Variants in CTNNA2 observed in about 807,000 individuals in gnomAD.
CTNNA2 encodes catenin alpha 2.
A neutral mutation model predicts 101.0 loss-of-function variants in CTNNA2; 42 were observed. The ratio of observed to expected loss-of-function variants is 0.42; its 90% confidence interval spans 0.32 to 0.54. The LOEUF (loss-of-function observed/expected upper bound fraction) is 0.54. Ranked by LOEUF, CTNNA2 falls within the 20% of genes least tolerant of loss-of-function variation. The probability of loss-of-function intolerance (pLI) is 0.14; values close to 1 mark genes in which losing one functional copy is unlikely to be tolerated. For synonymous variants in CTNNA2, 450 were observed against 456.4 expected (o/e 0.99, Z 0.18); for missense variants, 871 against 1,223.1 (o/e 0.71, Z 4.29).
At chr2:80,143,154 A>G (rs1255169106) in intron 7 of CTNNA2, among the ~76,000 whole-genome samples, 2 of 152,160 alleles carry the variant, frequency 1.3e-5, no homozygotes. Context: ...TGGATGTGAA[A>G]GTTCTCTGTG....
In CTNNA2 at chr2:79,874,163, C is replaced by G; in HGVS notation, c.673C>G (p.Gln225Glu). The G allele has an allele frequency of 1.9e-6, 3 of 1,614,216 alleles. No individual in the cohort carries two copies. Among genetic ancestry groups the G allele is most frequent in the Non-Finnish European group, 2.5e-6 (3 of 1,180,046 alleles). ...KNATMLYTASQAFLRHPDVAA... is the reference protein window; with the variant it reads ...KNATMLYTASEAFLRHPDVAA... ...TGCCACAATGCTGTACACGGCCTCT[C>G]AAGCATTTCTCCGCCACCCAGATGT... is the stretch of plus-strand genomic sequence containing the variant. Residue 225 changes from glutamine to glutamate, a missense_variant, in exon 6 of 19, where the codon CAA becomes GAA. Transcript: ENST00000402739.
At chr2:79,875,383 G>A (rs565328931) in intron 6 of CTNNA2, among the ~76,000 whole-genome samples, 1 of 152,290 alleles carries the variant, frequency 6.6e-6, no homozygotes, top group South Asian at 2.1e-4. Flanking sequence ...CTGCAGGGGA[G>A]ATGAGGGAAG....
intron 2 of CTNNA2, among the ~76,000 whole-genome samples, chr2:79,270,361 G>A (rs772765107): frequency 1.3e-5 from 2 of 151,848 alleles, no homozygotes; most frequent in South Asian, 4.1e-4. Context: ...TTTCTGATGT[G>A]CAATCTGCTT....
chr2:79,806,154 C>T (rs566355593), intron 3 of CTNNA2, among the ~76,000 whole-genome samples: 2 of 152,010 alleles, frequency 1.3e-5, no homozygotes, highest in African/African-American at 4.8e-5. Context: ...CAGTAGTTAA[C>T]TCTAATTTAT....
intron 7 of CTNNA2, among the ~76,000 whole-genome samples, chr2:80,032,876 G>C (rs372953747): frequency 1.3e-5 from 2 of 152,204 alleles, no homozygotes; most frequent in South Asian, 4.2e-4. Flanking sequence ...ATAACGACCG[G>C]GCGCAGTGGC....
At chr2:79,968,295 T>A (rs946206904) in intron 7 of CTNNA2, among the ~76,000 whole-genome samples, 4 of 152,180 alleles carry the variant, frequency 2.6e-5, no homozygotes, top group African/African-American at 9.7e-5. Context: ...TCATTTTCAG[T>A]CTCAGAACCC....
chr2:80,305,794 G>T (rs559212809), intron 7 of CTNNA2, among the ~76,000 whole-genome samples: 1 of 152,108 alleles, frequency 6.6e-6, no homozygotes, highest in Non-Finnish European at 1.5e-5. Context: ...AGTCCTCCAA[G>T]ATGGCTGAGA....
intron 1 of CTNNA2, among the ~76,000 whole-genome samples, chr2:79,637,274 C>A (rs1680139006): frequency 6.6e-6 from 1 of 152,092 alleles, no homozygotes; most frequent in African/African-American, 2.4e-5. Context: ...ATTGAGGATA[C>A]AGAAGAGAGA....
intron 3 of CTNNA2, among the ~76,000 whole-genome samples, chr2:79,844,404 A>T (rs1680048972): frequency 1.3e-5 from 2 of 152,264 alleles, no homozygotes; most frequent in Admixed American, 6.5e-5. Flanking sequence ...GGAGCATATT[A>T]TTTGAAAATT....
At chr2:79,441,233 C>G (rs1293348264) in intron 4 of CTNNA2, among the ~76,000 whole-genome samples, 2 of 152,106 alleles carry the variant, frequency 1.3e-5, no homozygotes, top group Non-Finnish European at 2.9e-5. Flanking sequence ...TGAGGCATAC[C>G]TCTCCTTTCA....
intron 4 of CTNNA2, among the ~76,000 whole-genome samples, chr2:79,488,470 T>A (rs1302142920): frequency 6.6e-5 from 10 of 152,140 alleles, no homozygotes; most frequent in African/African-American, 2.4e-4. Context: ...AAACACCTTG[T>A]TCCTGAGGAC....
intron 9 of CTNNA2, among the ~76,000 whole-genome samples, chr2:80,489,715 T>A (rs1307622617): frequency 3.9e-5 from 6 of 152,210 alleles, no homozygotes; most frequent in African/African-American, 1.4e-4. Flanking sequence ...CCACAGTTCT[T>A]CTTCTTGGTT....
chr2:80,276,733 A>C (rs1401556423), intron 7 of CTNNA2, among the ~76,000 whole-genome samples: 3 of 152,180 alleles, frequency 2.0e-5, no homozygotes, highest in Middle Eastern at 3.4e-3. Flanking sequence ...ACCAGATCTC[A>C]CAGGAACTAA....
At chr2:79,263,953 C>G (rs907131595) in intron 2 of CTNNA2, among the ~76,000 whole-genome samples, 2 of 152,140 alleles carry the variant, frequency 1.3e-5, no homozygotes, top group Non-Finnish European at 2.9e-5. Flanking sequence ...AAAATCAGAA[C>G]ATCAAAATGC....
At chr2:79,401,860 T>C (rs1678293902) in intron 4 of CTNNA2, among the ~76,000 whole-genome samples, 1 of 151,482 alleles carries the variant, frequency 6.6e-6, no homozygotes, top group South Asian at 2.1e-4. Context: ...TAAAATTAAA[T>C]TTAAAAGAAT....
At chr2:79,691,780 C>T (rs1168864021) in intron 2 of CTNNA2, among the ~76,000 whole-genome samples, 1 of 152,032 alleles carries the variant, frequency 6.6e-6, no homozygotes, top group Non-Finnish European at 1.5e-5. Context: ...GAAATGGATT[C>T]CCTATTTAAT....
chr2:79,977,577 A>G (rs1175878534), intron 7 of CTNNA2, among the ~76,000 whole-genome samples: 1 of 152,140 alleles, frequency 6.6e-6, no homozygotes, highest in Non-Finnish European at 1.5e-5. Context: ...CTGTTCTAAT[A>G]TCAAAAATGC....
intron 2 of CTNNA2, among the ~76,000 whole-genome samples, chr2:79,705,122 A>G (rs1181237400): frequency 6.6e-6 from 1 of 152,068 alleles, no homozygotes; most frequent in Non-Finnish European, 1.5e-5. Flanking sequence ...CATGCGCTGG[A>G]CGGTTCCACT....
At chr2:79,764,446 C>A (rs1673002398) in intron 3 of CTNNA2, among the ~76,000 whole-genome samples, 1 of 152,048 alleles carries the variant, frequency 6.6e-6, no homozygotes, top group African/African-American at 2.4e-5. Context: ...ACAACATGTG[C>A]ATATACATGG....
Sources: gnomAD v4.1 joint callset for allele counts (sites outside exome capture counted in the v4.1 genomes callset) on GRCh38, gnomAD v4.1.1 for gene constraint, MANE v1.5 for transcripts, NCBI Gene and HGNC (gene_info 2026-07-23, HGNC 2026-07-21) for gene names.